LRRC4C: variants seen among roughly 807,000 people sequenced by gnomAD.
LRRC4C encodes leucine rich repeat containing 4C, also known as leucine-rich repeat-containing protein 4C.
A neutral mutation model predicts 33.6 loss-of-function variants in LRRC4C; 5 were observed. That is an observed-to-expected ratio of 0.15 (90% CI 0.08 to 0.31). The LOEUF is 0.31. Ranked by LOEUF, LRRC4C falls within the 10% of genes least tolerant of loss-of-function variation. The pLI is 1.00. For missense variants in LRRC4C, 560 were observed against 796.7 expected (o/e 0.70, Z 3.58); for synonymous variants, 329 against 302.0 (o/e 1.09, Z -0.93).
chr11:40,928,721 T>C (rs1957492201), intron 2 of LRRC4C, among the ~76,000 whole-genome samples: 1 of 152,142 alleles, frequency 6.6e-6, no homozygotes, highest in Non-Finnish European at 1.5e-5. Context: ...ATTATAAAAC[T>C]ATGTAGAAAT....
intron 3 of LRRC4C, among the ~76,000 whole-genome samples, chr11:40,473,242 A>G (rs1260111952): frequency 1.3e-5 from 2 of 152,304 alleles, no homozygotes; most frequent in East Asian, 3.9e-4. Flanking sequence ...CACATCAAAA[A>G]GCTTATCCAC....
intron 1 of LRRC4C, among the ~76,000 whole-genome samples, chr11:41,107,058 A>ATT (rs3979485): frequency 0.088 from 12,326 of 140,868 alleles, 555 homozygotes; most frequent in African/African-American, 0.1. Context: ...TTAGGTTTTG[A>ATT]TTTTTTTTTT....
intron 3 of LRRC4C, among the ~76,000 whole-genome samples, chr11:40,522,464 C>T (rs1181983448): frequency 1.3e-5 from 2 of 152,240 alleles, no homozygotes; most frequent in African/African-American, 2.4e-5. Flanking sequence ...TAACTTAAAT[C>T]GTGGGGGCAG....
chr11:40,839,117 T>A (rs1312006051), intron 2 of LRRC4C, among the ~76,000 whole-genome samples: 1 of 152,212 alleles, frequency 6.6e-6, no homozygotes, highest in African/African-American at 2.4e-5. Context: ...AGTGCAATAC[T>A]GTCTCTAAAT....
chr11:41,442,476 T>TTTA (rs1955660780), intron 1 of LRRC4C, among the ~76,000 whole-genome samples: 1 of 134,394 alleles, frequency 7.4e-6, no homozygotes. Flanking sequence ...TTTTTTTTTT[T>TTTA]TTTTTTTTTT....
At chr11:41,214,247 A>T (rs1331057444) in intron 1 of LRRC4C, among the ~76,000 whole-genome samples, 7 of 152,032 alleles carry the variant, frequency 4.6e-5, no homozygotes, top group Non-Finnish European at 7.4e-5. Context: ...AACAGCAGTG[A>T]CCCAAGTGAG....
intron 3 of LRRC4C, among the ~76,000 whole-genome samples, chr11:40,568,822 G>A (rs949372610): frequency 5.3e-5 from 8 of 152,162 alleles, no homozygotes; most frequent in African/African-American, 1.2e-4. Context: ...GGGAAATTAG[G>A]AAACAATCAA....
intron 3 of LRRC4C, among the ~76,000 whole-genome samples, chr11:40,468,848 G>A (rs890574861): frequency 3.3e-5 from 5 of 152,038 alleles, no homozygotes; most frequent in Admixed American, 1.3e-4. Flanking sequence ...TTTTGATAAA[G>A]ACCCATATTT....
intron 1 of LRRC4C, among the ~76,000 whole-genome samples, chr11:41,428,038 T>A (rs1955105407): frequency 6.6e-6 from 1 of 152,104 alleles, no homozygotes; most frequent in African/African-American, 2.4e-5. Flanking sequence ...CTTTTTGGAC[T>A]CAGCCCGCCT....
intron 5 of LRRC4C, among the ~76,000 whole-genome samples, chr11:40,168,040 C>G (rs1404415222): frequency 1.4e-5 from 2 of 147,110 alleles, no homozygotes; most frequent in African/African-American, 4.9e-5. Flanking sequence ...AAAACTCTGT[C>G]TCAAACAAAC....
At chr11:41,410,339 G>T (rs942935256) in intron 1 of LRRC4C, among the ~76,000 whole-genome samples, 2 of 151,488 alleles carry the variant, frequency 1.3e-5, no homozygotes, top group East Asian at 3.9e-4. Flanking sequence ...GAAATGAGTA[G>T]AAGTATGTTT....
chr11:40,385,883 TAAATAAATA>T (rs1260300503), intron 3 of LRRC4C, among the ~76,000 whole-genome samples: 2 of 147,698 alleles, frequency 1.4e-5, no homozygotes, highest in African/African-American at 4.9e-5. Flanking sequence ...AATAAATAAA[TAAATAAATA>T]AAATAAAATA....
rs145960854 is a variant in LRRC4C at position 40,399,147 on chromosome 11, T to C, written c.-269-79426A>G. On this transcript the variant is annotated intron_variant, in intron 3 of 6. Coordinates refer to ENST00000528697, the MANE Select transcript of LRRC4C (RefSeq NM_001258419.2). Reference sequence around the variant, plus strand: ...AGTTAGAAAGAACCAATAGTGTCCATAGAAATACCATCTGACCCAGCCATC... The same window carrying C: ...AGTTAGAAAGAACCAATAGTGTCCACAGAAATACCATCTGACCCAGCCATC... Among the ~76,000 whole-genome samples, 14 of 152,154 alleles carry C rather than the reference T, an allele frequency of 9.2e-5. No homozygotes were observed. In the East Asian group the frequency reaches 9.7e-4, roughly 11 times the overall value.
chr11:40,866,646 T>C (rs1326184376), intron 2 of LRRC4C, among the ~76,000 whole-genome samples: 1 of 152,150 alleles, frequency 6.6e-6, no homozygotes, highest in Non-Finnish European at 1.5e-5. Context: ...AATTGGGTAT[T>C]GGCTACGTGA....
intron 3 of LRRC4C, among the ~76,000 whole-genome samples, chr11:40,361,260 A>T (rs1283111945): frequency 6.6e-6 from 1 of 152,218 alleles, no homozygotes; most frequent in Non-Finnish European, 1.5e-5. Flanking sequence ...ATCAGGCAAG[A>T]GAGAGAAATA....
At chr11:41,402,903 A>G (rs1954079750) in intron 1 of LRRC4C, among the ~76,000 whole-genome samples, 1 of 152,110 alleles carries the variant, frequency 6.6e-6, no homozygotes, top group African/African-American at 2.4e-5. Flanking sequence ...TGAATAATCG[A>G]GAGCTGAAAT....
At chr11:40,889,712 AACAC>A (rs1240320052) in intron 2 of LRRC4C, among the ~76,000 whole-genome samples, 1 of 152,132 alleles carries the variant, frequency 6.6e-6, no homozygotes, top group Non-Finnish European at 1.5e-5. Context: ...TTTCAGTAGC[AACAC>A]TGTGCTATTT....
intron 1 of LRRC4C, among the ~76,000 whole-genome samples, chr11:41,272,031 A>G (rs758027087): frequency 1.2e-4 from 18 of 152,136 alleles, no homozygotes; most frequent in Non-Finnish European, 2.1e-4. Context: ...ACCCAGATCT[A>G]CCTGACTTCA....
intron 2 of LRRC4C, among the ~76,000 whole-genome samples, chr11:40,828,404 G>A (rs1354193635): frequency 2.0e-5 from 3 of 151,570 alleles, no homozygotes; most frequent in Non-Finnish European, 4.4e-5. Flanking sequence ...CTAATGTCAA[G>A]AATATTTCAG....
Sources: gnomAD v4.1 joint callset for allele counts (sites outside exome capture counted in the v4.1 genomes callset) on GRCh38, gnomAD v4.1.1 for gene constraint, MANE v1.5 for transcripts, NCBI Gene and HGNC (gene_info 2026-07-23, HGNC 2026-07-21) for gene names.